The following OXCT1 variants were observed in gnomAD, a reference collection of about 807,000 sequenced individuals.
The protein encoded by OXCT1 is 3-oxoacid CoA-transferase 1.
A neutral mutation model predicts 69.6 loss-of-function variants in OXCT1; 27 were observed. That is an observed-to-expected ratio of 0.39 (90% CI 0.29 to 0.54). OXCT1 has a LOEUF of 0.54. Among genes scored for constraint, OXCT1 ranks in the 20% least tolerant of loss-of-function variants. The pLI is 0.72. For synonymous variants in OXCT1, 202 were observed against 217.8 expected, an observed-to-expected ratio of 0.93 and a Z score of 0.64; for missense variants, 437 against 650.2, an observed-to-expected ratio of 0.67 and a Z score of 3.57.
At chr5:41,800,002 A>G (rs1193275821) in intron 11 of OXCT1, among the ~76,000 whole-genome samples, 1 of 152,210 alleles carries the variant, frequency 6.6e-6, no homozygotes, top group Non-Finnish European at 1.5e-5. Context: ...ACAGAAAATC[A>G]TGCTAGAACC....
Position 41,790,474 on chromosome 5 carries a change from T to G in OXCT1, c.1248+3529A>C, listed in dbSNP as rs541250691. Among the ~76,000 whole-genome samples, 3 of 152,272 alleles carry G rather than the reference T, an allele frequency of 2.0e-5. No homozygotes were observed. The East Asian group carries it at 5.8e-4, about 29-fold the overall frequency. The stretch of plus-strand genomic sequence containing the variant: ...TAGAATTGTTAAAAATCTGTGTACA[T>G]GAGACCAACACTGCATACTAAGAAG... On this transcript the variant is annotated intron_variant, in intron 13 of 16. Coordinates refer to ENST00000196371, the MANE Select transcript of OXCT1 (RefSeq NM_000436.4).
At chr5:41,822,853 T>G (rs1420947148) in intron 7 of OXCT1, among the ~76,000 whole-genome samples, 1 of 152,210 alleles carries the variant, frequency 6.6e-6, no homozygotes, top group Non-Finnish European at 1.5e-5. Context: ...TTAAAGTGGA[T>G]TTCTTATAGA....
At chr5:41,752,845 A>G (rs1256637957) in intron 14 of OXCT1, among the ~76,000 whole-genome samples, 1 of 152,088 alleles carries the variant, frequency 6.6e-6, no homozygotes, top group Non-Finnish European at 1.5e-5. Flanking sequence ...TTTGGTGAAC[A>G]TCTACCTTCT....
chr5:41,848,227 G>C (rs1235747398), intron 5 of OXCT1, among the ~76,000 whole-genome samples: 1 of 152,076 alleles, frequency 6.6e-6, no homozygotes, highest in East Asian at 1.9e-4. Context: ...TTTTACAAGG[G>C]ATGTGAAGGA....
At chr5:41,809,797 GAACT>G (rs1746873049) in intron 7 of OXCT1, among the ~76,000 whole-genome samples, 1 of 151,988 alleles carries the variant, frequency 6.6e-6, no homozygotes, top group African/African-American at 2.4e-5. Context: ...ATAACTCTCA[GAACT>G]AACAGAATGA....
intron 13 of OXCT1, among the ~76,000 whole-genome samples, chr5:41,773,451 G>C (rs952346174): frequency 6.6e-6 from 1 of 151,194 alleles, no homozygotes; most frequent in African/African-American, 2.4e-5. Flanking sequence ...AAATTAATTA[G>C]CTGGGTGTGG....
At chr5:41,750,135 G>GTTTTTTTTTTTTTTTT (rs11291155) in intron 14 of OXCT1, among the ~76,000 whole-genome samples, 3 of 73,918 alleles carry the variant, frequency 4.1e-5, no homozygotes, top group Non-Finnish European at 5.0e-5. Context: ...GTGTTTTTTG[G>GTTTTTTTTTTTTTTTT]TTTTTTTTTT....
chr5:41,848,537 T>C (rs933410939), intron 5 of OXCT1, among the ~76,000 whole-genome samples: 3 of 145,196 alleles, frequency 2.1e-5, no homozygotes, highest in Non-Finnish European at 4.6e-5. Flanking sequence ...CAAACTATAC[T>C]ACAAGGCTAC....
intron 1 of OXCT1, among the ~76,000 whole-genome samples, chr5:41,865,042 A>G (rs1749900680): frequency 6.6e-6 from 1 of 152,198 alleles, no homozygotes; most frequent in South Asian, 2.1e-4. Context: ...ATATACCTAT[A>G]GAGGCTTTTT....
chr5:41,754,528 T>C (rs1469664121), intron 14 of OXCT1, among the ~76,000 whole-genome samples: 2 of 152,022 alleles, frequency 1.3e-5, no homozygotes, highest in Admixed American at 6.6e-5. Flanking sequence ...ACCCCATAAA[T>C]ATATTCACCT....
chr5:41,744,328 T>A (rs183780410), intron 15 of OXCT1, among the ~76,000 whole-genome samples: 10 of 152,228 alleles, frequency 6.6e-5, no homozygotes. Flanking sequence ...TCCTGAGACT[T>A]TGCTGAAGTT....
chr5:41,827,622 G>T (rs1747869252), intron 7 of OXCT1, among the ~76,000 whole-genome samples: 2 of 152,176 alleles, frequency 1.3e-5, no homozygotes, highest in African/African-American at 2.4e-5. Context: ...TAATTGACTT[G>T]CCATTCATCA....
intron 7 of OXCT1, among the ~76,000 whole-genome samples, chr5:41,838,625 A>ATTT (rs113782574): frequency 1.4e-5 from 2 of 141,150 alleles, no homozygotes; most frequent in African/African-American, 2.6e-5. Flanking sequence ...TTCTCAGTCA[A>ATTT]TTTTTTTTTT....
At chr5:41,800,203 T>C (rs1375295677) in intron 11 of OXCT1, among the ~76,000 whole-genome samples, 6 of 152,056 alleles carry the variant, frequency 3.9e-5, no homozygotes, top group Non-Finnish European at 8.8e-5. Flanking sequence ...GTAAAGCATA[T>C]GCCTGTAAGA....
At chr5:41,806,932 T>G (rs954006964) in intron 8 of OXCT1, among the ~76,000 whole-genome samples, 6 of 152,012 alleles carry the variant, frequency 3.9e-5, no homozygotes, top group African/African-American at 1.4e-4. Flanking sequence ...TCTAGAAAAG[T>G]GCAAAGCACC....
chr5:41,862,585 G>A, intron 2 of OXCT1, 57 bp downstream of exon 2: 2 of 904,412 alleles, frequency 2.2e-6, no homozygotes, highest in Non-Finnish European at 3.7e-6. Context: ...TGATTTGCCT[G>A]CTTCATTTAA....
At chr5:41,732,841 T>TA (rs1371988110) in intron 16 of OXCT1, among the ~76,000 whole-genome samples, 5 of 152,218 alleles carry the variant, frequency 3.3e-5, no homozygotes, top group Admixed American at 2.6e-4. Context: ...TTCATAAGGT[T>TA]AAATAGTTTT....
chr5:41,851,289 A>G (rs1237094257), intron 4 of OXCT1, among the ~76,000 whole-genome samples: 2 of 152,228 alleles, frequency 1.3e-5, no homozygotes, highest in East Asian at 3.9e-4. Flanking sequence ...AGTAGGTGGA[A>G]TATTCTGGGG....
chr5:41,816,453 A>G (rs1430205050), intron 7 of OXCT1, among the ~76,000 whole-genome samples: 2 of 152,192 alleles, frequency 1.3e-5, no homozygotes, highest in East Asian at 3.9e-4. Context: ...GAGATGCACA[A>G]TCAGTTTTAC....
Sources: gnomAD v4.1 joint callset for allele counts (sites outside exome capture counted in the v4.1 genomes callset) on GRCh38, gnomAD v4.1.1 for gene constraint, MANE v1.5 for transcripts, NCBI Gene and HGNC (gene_info 2026-07-23, HGNC 2026-07-21) for gene names.